Variants in SNTG1 observed in about 807,000 individuals in gnomAD.
SNTG1 encodes the protein syntrophin gamma 1.
A neutral mutation model predicts 74.7 loss-of-function variants in SNTG1; 39 were observed. The ratio of observed to expected loss-of-function variants is 0.52; its 90% CI spans 0.40 to 0.68. SNTG1 has a LOEUF of 0.68. Ranked by LOEUF, SNTG1 falls within the 30% of genes least tolerant of loss-of-function variation. The probability of loss-of-function intolerance (pLI) is 0.00; values close to 1 mark genes in which losing one functional copy is unlikely to be tolerated. For synonymous variants in SNTG1, 254 were observed against 217.1 expected (o/e 1.17, Z -1.49); for missense variants, 685 against 609.5 (o/e 1.12, Z -1.30).
chr8:50,195,361 A>G (rs1034898544), intron 2 of SNTG1, among the ~76,000 whole-genome samples: 5 of 151,862 alleles, frequency 3.3e-5, no homozygotes, highest in African/African-American at 9.7e-5. Context: ...GCCCCGGGAT[A>G]CCTGCCTTCC....
intron 2 of SNTG1, among the ~76,000 whole-genome samples, chr8:50,294,146 T>G (rs1241418630): frequency 1.3e-5 from 2 of 151,416 alleles, no homozygotes; most frequent in East Asian, 3.9e-4. Flanking sequence ...ATCAAATAAA[T>G]ACACAGAATA....
Position 50,691,895 on chromosome 8 carries a change from G to A in SNTG1, c.1039-12705G>A, listed in dbSNP as rs186060151. On this transcript the variant is annotated intron_variant, in intron 15 of 18. Transcript: ENST00000642720. Reference sequence around the variant, plus strand: ...TCACTTTCAGGAACACCAATCAGATGTAGATTTGGTCTTTTCACATAGTCC... The same window carrying A: ...TCACTTTCAGGAACACCAATCAGATATAGATTTGGTCTTTTCACATAGTCC... Among the ~76,000 whole-genome samples the A allele has an allele frequency of 8.9e-4, 136 of 152,282 alleles. 2 individuals are homozygous for A. The highest frequency in any genetic ancestry group is 6.8e-3 in the Middle Eastern group (2 of 294).
intron 4 of SNTG1, among the ~76,000 whole-genome samples, chr8:50,423,882 C>T (rs570878073): frequency 7.2e-5 from 11 of 152,146 alleles, no homozygotes; most frequent in East Asian, 5.8e-4. Context: ...GTTAGGGAGC[C>T]GACATAAAGT....
intron 1 of SNTG1, among the ~76,000 whole-genome samples, chr8:50,126,566 T>A (rs1369833809): frequency 6.6e-6 from 1 of 152,148 alleles, no homozygotes; most frequent in Non-Finnish European, 1.5e-5. Context: ...TTGGGACATG[T>A]GTTTTATATA....
intron 1 of SNTG1, among the ~76,000 whole-genome samples, chr8:50,057,386 C>CT (rs561234614): frequency 6.6e-6 from 1 of 151,940 alleles, no homozygotes; most frequent in Admixed American, 6.6e-5. Context: ...CCTGTACATT[C>CT]TTTTTTTTCT....
chr8:50,575,766 T>C (rs2130788892), intron 12 of SNTG1: 1 of 152,334 alleles, frequency 6.6e-6, no homozygotes. Context: ...AAACATGTAC[T>C]GGTCTTTCAA....
intron 10 of SNTG1, among the ~76,000 whole-genome samples, chr8:50,535,573 C>G (rs563018215): frequency 6.6e-6 from 1 of 152,302 alleles, no homozygotes; most frequent in Non-Finnish European, 1.5e-5. Context: ...GGACCCCTCA[C>G]TAAGTGATCT....
In SNTG1 at chr8:50,394,321, C is replaced by T; in HGVS notation, c.27+56C>T. On this transcript the variant is annotated intron_variant, in intron 3 of 18. Coordinates refer to ENST00000642720, the MANE Select transcript of SNTG1 (RefSeq NM_018967.5). ...GGGAAAACAGAATATAAGCGGGAAACACTTGGCTCCAATTTATATAGGGAA... is the reference window on the plus strand; with the variant it reads ...GGGAAAACAGAATATAAGCGGGAAATACTTGGCTCCAATTTATATAGGGAA... 5 of 1,556,404 alleles carry T rather than the reference C, an allele frequency of 3.2e-6. No individual in the cohort carries two copies. The South Asian group carries it at 5.8e-5, about 18-fold the overall frequency.
At chr8:50,291,798 T>C (rs1162317193) in intron 2 of SNTG1, among the ~76,000 whole-genome samples, 1 of 152,110 alleles carries the variant, frequency 6.6e-6, no homozygotes, top group Non-Finnish European at 1.5e-5. Flanking sequence ...CAAGGTGTCA[T>C]GAATAAAGCT....
At chr8:50,217,516 T>C (rs927809515) in intron 2 of SNTG1, among the ~76,000 whole-genome samples, 6 of 152,156 alleles carry the variant, frequency 3.9e-5, no homozygotes, top group African/African-American at 9.7e-5. Flanking sequence ...GTCTGTATAC[T>C]GAAAATAGGC....
intron 1 of SNTG1, among the ~76,000 whole-genome samples, chr8:49,913,684 C>T (rs748708567): frequency 3.3e-5 from 5 of 152,174 alleles, no homozygotes; most frequent in Non-Finnish European, 2.9e-5. Flanking sequence ...ACAATGTGCT[C>T]TTAACACAAT....
chr8:50,473,625 G>C (rs889967365), intron 8 of SNTG1, among the ~76,000 whole-genome samples: 20 of 152,226 alleles, frequency 1.3e-4, no homozygotes, highest in Admixed American at 1.2e-3. Flanking sequence ...CCATGTTCAT[G>C]GAAGCATTTT....
chr8:50,685,192 G>T (rs2095347370), intron 15 of SNTG1, among the ~76,000 whole-genome samples: 1 of 152,090 alleles, frequency 6.6e-6, no homozygotes, highest in Non-Finnish European at 1.5e-5. Flanking sequence ...TGTATTCTCT[G>T]CTTATGACAA....
intron 17 of SNTG1, among the ~76,000 whole-genome samples, chr8:50,743,791 T>TA (rs755083776): frequency 1.3e-4 from 19 of 151,994 alleles, no homozygotes; most frequent in Non-Finnish European, 2.1e-4. Flanking sequence ...TATAAAGAAA[T>TA]ACCTGAGACT....
intron 18 of SNTG1, among the ~76,000 whole-genome samples, chr8:50,772,276 A>G (rs1440873227): frequency 1.3e-5 from 2 of 152,046 alleles, no homozygotes; most frequent in Non-Finnish European, 2.9e-5. Flanking sequence ...CTTAGAACAC[A>G]CCCTTCACAA....
chr8:50,076,265 T>A (rs1236910640), intron 1 of SNTG1, among the ~76,000 whole-genome samples: 1 of 152,166 alleles, frequency 6.6e-6, no homozygotes, highest in Non-Finnish European at 1.5e-5. Context: ...TGGCAAGGAT[T>A]GTTCTTTAGG....
chr8:50,076,593 G>C lies in SNTG1; in HGVS notation c.-102-95968G>C, dbSNP rs150730639. On this transcript the variant is annotated intron_variant, in intron 1 of 18. Coordinates refer to ENST00000642720, the MANE Select transcript of SNTG1 (RefSeq NM_018967.5). ...TATATTTAGGCCTAAATATTCCGTCGTAAAAATATGAAAATTCTCAGGTGT... is the reference window on the plus strand; with the variant it reads ...TATATTTAGGCCTAAATATTCCGTCCTAAAAATATGAAAATTCTCAGGTGT... Among the ~76,000 whole-genome samples, 87 of 147,256 alleles carry C rather than the reference G, an allele frequency of 5.9e-4. No homozygotes were observed. The Admixed American group carries it at 5.9e-3, about 10-fold the overall frequency.
intron 1 of SNTG1, among the ~76,000 whole-genome samples, chr8:49,920,065 T>G (rs1007852037): frequency 6.6e-6 from 1 of 152,114 alleles, no homozygotes; most frequent in African/African-American, 2.4e-5. Context: ...AGAATCCTTT[T>G]AAGCGATTAG....
chr8:50,418,337 C>A (rs543073611), intron 4 of SNTG1, among the ~76,000 whole-genome samples: 1 of 152,154 alleles, frequency 6.6e-6, no homozygotes, highest in South Asian at 2.1e-4. Context: ...TATTTTCTTA[C>A]GGGCTTCTTG....
Sources: gnomAD v4.1 joint callset for allele counts (sites outside exome capture counted in the v4.1 genomes callset) on GRCh38, gnomAD v4.1.1 for gene constraint, MANE v1.5 for transcripts, NCBI Gene and HGNC (gene_info 2026-07-23, HGNC 2026-07-21) for gene names.